PARVB: variants seen among roughly 807,000 people sequenced by gnomAD.
The protein encoded by PARVB is beta-parvin.
Under a neutral mutation model 47.0 loss-of-function variants are expected in PARVB, and 46 were observed. That is an observed-to-expected ratio of 0.98 (90% CI 0.77 to 1.25). PARVB has a LOEUF of 1.25. Ranked by LOEUF, PARVB falls within the 50% of genes most tolerant of loss-of-function variation. The pLI is 0.00. For missense variants in PARVB, 473 were observed against 471.6 expected, an observed-to-expected ratio of 1.00 and a Z score of -0.03; for synonymous variants, 196 against 196.3, an observed-to-expected ratio of 1.00 and a Z score of 0.01.
In PARVB at chr22:44,065,313, C is replaced by T. The variant is rs2051497764; in HGVS notation, c.113-28615C>T. On this transcript the variant is annotated intron_variant, in intron 1 of 12. Transcript: ENST00000338758. ...GGAAGATTATATTTTATTACCTTCT[C>T]CCTCATCTTATTTATTTTCTGTTTT... Among the ~76,000 whole-genome samples the T allele has an allele frequency of 2.0e-5, 3 of 152,080 alleles. No individual in the cohort carries two copies. The South Asian group carries it at 6.3e-4, about 32-fold the overall frequency.
At chr22:44,062,186 C>T (rs1333784196) in intron 1 of PARVB, among the ~76,000 whole-genome samples, 1 of 152,204 alleles carries the variant, frequency 6.6e-6, no homozygotes, top group East Asian at 1.9e-4. Flanking sequence ...CTCCAGCAGA[C>T]ACCAGCTGGG....
At chr22:44,127,381 G>T (rs133912) in intron 4 of PARVB, among the ~76,000 whole-genome samples, 152,362 of 152,362 alleles carry the variant, frequency 1, 76,181 homozygotes, top group Non-Finnish European at 1. Flanking sequence ...GTTGATGTGA[G>T]ATCCTCTTGA....
chr22:44,152,551 C>T (rs2053833548), intron 10 of PARVB: 1 of 152,276 alleles, frequency 6.6e-6, no homozygotes, highest in South Asian at 2.1e-4. Flanking sequence ...CGTGCTGGCC[C>T]CTTCAGCCTC....
intron 1 of PARVB, among the ~76,000 whole-genome samples, chr22:44,042,085 A>G (rs1282212495): frequency 6.6e-6 from 1 of 152,076 alleles, no homozygotes; most frequent in Non-Finnish European, 1.5e-5. Flanking sequence ...AATAATAAAC[A>G]TACAATGAGG....
intron 1 of PARVB, among the ~76,000 whole-genome samples, chr22:44,061,906 C>T (rs1339497363): frequency 6.6e-6 from 1 of 152,138 alleles, no homozygotes; most frequent in Non-Finnish European, 1.5e-5. Context: ...TGTGAGCCAC[C>T]ACACCCAGTC....
intron 1 of PARVB, among the ~76,000 whole-genome samples, chr22:44,058,586 A>C (rs1428018384): frequency 8.6e-6 from 1 of 116,000 alleles, no homozygotes; most frequent in South Asian, 2.6e-4. Flanking sequence ...ATGGAGTCTC[A>C]CTCTGTAGCC....
At position 44,158,000 on chromosome 22, in the gene PARVB, C is replaced by T. The variant is rs1330024362; in HGVS notation, c.862C>T (p.Leu288=). ...LETQFADGVY[L]VLLMGLLEDY... ...TCTGCAGTTTGCAGATGGCGTGTAC[C>T]TGGTTCTGCTCATGGGCCTTCTGGA... Residue 288 remains leucine (L), a synonymous_variant, in exon 11 of 13, where the codon CTG becomes TTG. Transcript: ENST00000338758. 6.2e-7 allele frequency: 1 copy of T among 1,613,666 alleles called. No homozygotes were observed. Among genetic ancestry groups the T allele is most frequent in the East Asian group, 2.2e-5 (1 of 44,884 alleles).
At chr22:44,086,687 A>T in intron 1 of PARVB, 1 of 910,080 alleles carries the variant, frequency 1.1e-6, no homozygotes, top group African/African-American at 1.8e-5. Flanking sequence ...AACTCCACTG[A>T]GCTGCAAGAT....
chr22:44,162,212 C>T (rs528931631), intron 11 of PARVB, among the ~76,000 whole-genome samples: 10 of 152,342 alleles, frequency 6.6e-5, no homozygotes, highest in African/African-American at 2.4e-4. Context: ...AGGGAAGCCT[C>T]TTTTTCCTGG....
intron 4 of PARVB, chr22:44,119,975 A>G (rs571927763): frequency 6.3e-5 from 27 of 430,588 alleles, no homozygotes; most frequent in South Asian, 4.5e-4. Context: ...TTGGACTTGT[A>G]GTGGGTTCTC....
At chr22:44,051,001 G>C (rs1054432715) in intron 1 of PARVB, among the ~76,000 whole-genome samples, 1 of 152,194 alleles carries the variant, frequency 6.6e-6, no homozygotes, top group Non-Finnish European at 1.5e-5. Flanking sequence ...TCAGGCACTG[G>C]GCGCCTAGCT....
At chr22:44,098,454 G>A (rs1348944270) in intron 2 of PARVB, among the ~76,000 whole-genome samples, 1 of 152,178 alleles carries the variant, frequency 6.6e-6, no homozygotes, top group Non-Finnish European at 1.5e-5. Context: ...GGGAGCAGGT[G>A]CCAAGGCTCA....
intron 1 of PARVB, among the ~76,000 whole-genome samples, chr22:44,034,388 A>G (rs2050882124): frequency 6.7e-6 from 1 of 150,164 alleles, no homozygotes; most frequent in Non-Finnish European, 1.5e-5. Flanking sequence ...CTTTATACAT[A>G]TATATATGTT....
chr22:44,091,274 C>CTTTTTTT (rs3083368), intron 1 of PARVB, among the ~76,000 whole-genome samples: 5 of 90,750 alleles, frequency 5.5e-5, no homozygotes, highest in South Asian at 3.8e-4. Context: ...AGAGGGCCTG[C>CTTTTTTT]TTTTTTTTTT....
At chr22:44,051,805 C>T (rs1179123152) in intron 1 of PARVB, among the ~76,000 whole-genome samples, 2 of 152,138 alleles carry the variant, frequency 1.3e-5, no homozygotes, top group Non-Finnish European at 1.5e-5. Flanking sequence ...GTGCTTAAGA[C>T]GAGGCCTGTC....
chr22:44,050,528 G>A (rs1454612355), intron 1 of PARVB, among the ~76,000 whole-genome samples: 1 of 152,052 alleles, frequency 6.6e-6, no homozygotes, highest in Non-Finnish European at 1.5e-5. Context: ...AGTAGAGATG[G>A]GGTTTCTCCA....
chr22:44,029,518 A>G (rs1038165457), intron 1 of PARVB, among the ~76,000 whole-genome samples: 2 of 152,200 alleles, frequency 1.3e-5, no homozygotes, highest in Non-Finnish European at 2.9e-5. Flanking sequence ...GGCCAGACAC[A>G]TAATCCCAGC....
chr22:44,070,970 C>A (rs1250881954), intron 1 of PARVB, among the ~76,000 whole-genome samples: 1 of 152,106 alleles, frequency 6.6e-6, no homozygotes, highest in Non-Finnish European at 1.5e-5. Flanking sequence ...CTGCCCTAGA[C>A]CCCAGACCAG....
rs568522860 is a variant in PARVB, at chr22:44,001,065, A to G, written c.211+1392A>G. Among the ~76,000 whole-genome samples, 3 of 152,354 alleles carry G rather than the reference A, an allele frequency of 2.0e-5. No individual in the cohort carries two copies. The South Asian group carries it at 6.2e-4, about 32-fold the overall frequency. ...GGAGTTCGAGACAAGCCTGGCTAAC[A>G]CAGTGAAACCCTGTCTCTACTGAAA... On this transcript the variant is annotated intron_variant, in intron 2 of 13. Transcript: ENST00000406477.
Sources: gnomAD v4.1 joint callset for allele counts (sites outside exome capture counted in the v4.1 genomes callset) on GRCh38, gnomAD v4.1.1 for gene constraint, MANE v1.5 for transcripts, NCBI Gene and HGNC (gene_info 2026-07-23, HGNC 2026-07-21) for gene names.